Variants in CDC16 observed in about 807,000 individuals in gnomAD.
CDC16 encodes the protein cell division cycle protein 16 homolog.
Under a neutral mutation model 87.0 loss-of-function variants are expected in CDC16, and 34 were observed. The ratio of observed to expected loss-of-function variants is 0.39; its 90% CI spans 0.30 to 0.52. The LOEUF (loss-of-function observed/expected upper bound fraction) is 0.52. Ranked by LOEUF, CDC16 falls within the 20% of genes least tolerant of loss-of-function variation. CDC16 has a pLI of 0.74. For synonymous variants in CDC16, 263 were observed against 260.6 expected (o/e 1.01, Z -0.09); for missense variants, 653 against 751.9 (o/e 0.87, Z 1.54).
intron 5 of CDC16, among the ~76,000 whole-genome samples, chr13:114,239,928 T>C (rs2081460161): frequency 6.6e-6 from 1 of 152,100 alleles, no homozygotes; most frequent in African/African-American, 2.4e-5. Flanking sequence ...ATACTTCATA[T>C]CTCCATGAAA....
In CDC16 at chr13:114,247,022, T is replaced by A. The variant is rs748505690; in HGVS notation, c.971+18T>A. The A allele has an allele frequency of 6.6e-7, 1 of 1,525,602 alleles. No individual in the cohort carries two copies. Among genetic ancestry groups the A allele is most frequent in the East Asian group, 2.2e-5 (1 of 44,466 alleles). The allele number at this position is 1,525,602 out of a possible 1,614,324, so 94.5% of individuals were successfully genotyped here. A position where few individuals can be genotyped will look rare whatever the true frequency, so the allele number is the denominator to read the frequency against. The stretch of plus-strand genomic sequence containing the variant: ...TATCTCAGGTATGAATTTATTTTTT[T>A]CCTCTCTAGTTAACCTGTAGAATTG... On this transcript the variant is annotated intron_variant, in intron 11 of 17. Transcript: ENST00000356221.
rs2082485240 is a variant in CDC16 at position 114,256,145 on chromosome 13, T to G, written c.1098-933T>G. Among the ~76,000 whole-genome samples the G allele has an allele frequency of 2.0e-5, 3 of 152,330 alleles. No individual in the cohort carries two copies. The South Asian group carries it at 6.2e-4, about 32-fold the overall frequency. ...AGCACAAAGTTGTTCTTACTGAGAT[T>G]TAGCCATCTTTTCTTGAATATACAC... On this transcript the variant is annotated intron_variant, in intron 12 of 17. Transcript: ENST00000356221.
Position 114,265,219 on chromosome 13 carries a change from G to T in CDC16, c.1582G>T (p.Gly528Cys). The change falls in exon 17 of 18, where the codon GGT becomes TGT. Residue 528 changes from glycine (G) to cysteine (C), a missense_variant. Transcript: ENST00000356221. ...TGGTCATTGCATCGAAATGTACATTGGTGATTCTGAAGCTTATATTGGTAA... is the reference window on the plus strand; with the variant it reads ...TGGTCATTGCATCGAAATGTACATTTGTGATTCTGAAGCTTATATTGGTAA... ...MLGHCIEMYI[G>C]DSEAYIGADI... The T allele has an allele frequency of 6.2e-7, 1 of 1,607,318 alleles. No homozygotes were observed. Among genetic ancestry groups the T allele is most frequent in the Non-Finnish European group, 8.5e-7 (1 of 1,173,918 alleles).
At chr13:114,251,368 C>G (rs1302687450) in intron 12 of CDC16, among the ~76,000 whole-genome samples, 1 of 152,220 alleles carries the variant, frequency 6.6e-6, no homozygotes, top group Non-Finnish European at 1.5e-5. Context: ...AAAATTTACT[C>G]ACTGGCTTAT....
Position 114,235,011 on chromosome 13 carries a change from G to A in CDC16, c.-74G>A. ...CGGCTGCAGGCACGGGCACGGGCAC[G>A]GGGCGGGGTGCTTAGGGTGCAGGAG... On this transcript the variant is annotated 5_prime_UTR_variant, in exon 1 of 18. Transcript: ENST00000356221. 5.9e-6 allele frequency: 7 copies of A among 1,176,646 alleles called. No homozygotes were observed. Among genetic ancestry groups the A allele is most frequent in the South Asian group, 3.6e-5 (1 of 28,108 alleles). The allele number at this position is 1,176,646 out of a possible 1,614,324, so 72.9% of individuals were successfully genotyped here. A position where few individuals can be genotyped will look rare whatever the true frequency, so the allele number is the denominator to read the frequency against.
intron 12 of CDC16, among the ~76,000 whole-genome samples, chr13:114,254,085 C>G (rs1026121953): frequency 6.6e-6 from 1 of 151,902 alleles, no homozygotes; most frequent in Non-Finnish European, 1.5e-5. Flanking sequence ...TTTATAAAGT[C>G]TGTTTCATCT....
intron 15 of CDC16, among the ~76,000 whole-genome samples, chr13:114,262,422 A>AT (rs999614461): frequency 6.6e-6 from 1 of 151,634 alleles, no homozygotes; most frequent in African/African-American, 2.4e-5. Flanking sequence ...AGCATAAAAC[A>AT]TTTTTTTCAC....
At chr13:114,244,774 T>C (rs2081755265) in intron 8 of CDC16, 116 bp from the exon 9 acceptor site, 3 of 538,332 alleles carry the variant, frequency 5.6e-6, no homozygotes, top group Admixed American at 3.0e-5. Flanking sequence ...GAAAGTGAAG[T>C]GTTACAACCC....
intron 11 of CDC16, among the ~76,000 whole-genome samples, chr13:114,247,468 G>A (rs1228201427): frequency 1.3e-5 from 2 of 151,860 alleles, no homozygotes; most frequent in East Asian, 3.9e-4. Context: ...ATGCCTGGCT[G>A]AATAAATGTT....
intron 1 of CDC16, among the ~76,000 whole-genome samples, chr13:114,236,304 T>C (rs2081248025): frequency 6.6e-6 from 1 of 152,248 alleles, no homozygotes; most frequent in Non-Finnish European, 1.5e-5. Context: ...AAGTGTTATA[T>C]AAATCACACA....
intron 17 of CDC16, among the ~76,000 whole-genome samples, chr13:114,271,727 C>T (rs764494301): frequency 2.7e-4 from 41 of 152,120 alleles, no homozygotes; most frequent in East Asian, 9.6e-4. Flanking sequence ...GTGATCTGCC[C>T]GCCTCGGCCT....
chr13:114,242,273 A>C lies in CDC16; in HGVS notation c.534A>C (p.Ala178=). 1 of 1,604,920 alleles carries C rather than the reference A, an allele frequency of 6.2e-7. No individual in the cohort carries two copies. The highest frequency in any genetic ancestry group is 8.5e-7 in the Non-Finnish European group (1 of 1,177,678). ...TAACATCACATCACATGCTGACAGC[A>C]CAAGAAGGTTTGGAAACTCAGGCTT... ...DLLTSHHMLT[A]QEEKELLESL... The change falls in exon 6 of 18, where the codon GCA becomes GCC. Residue 178 remains alanine, a synonymous_variant. Coordinates refer to ENST00000356221, the MANE Select transcript of CDC16 (RefSeq NM_001078645.3).
intron 13 of CDC16, 129 bp downstream of exon 13, chr13:114,257,359 A>G: frequency 1.7e-6 from 1 of 603,124 alleles, no homozygotes; most frequent in Non-Finnish European, 2.7e-6. Flanking sequence ...ATTTTAGGAG[A>G]AGGAGATAGA....
intron 10 of CDC16, 119 bp from the exon 11 acceptor site, chr13:114,246,812 T>A (rs930406949): frequency 4.3e-6 from 3 of 702,624 alleles, no homozygotes; most frequent in East Asian, 2.5e-5. Flanking sequence ...ATGTCTAACT[T>A]AACTAGAATA....
chr13:114,252,139 C>G (rs1461916379), intron 12 of CDC16, among the ~76,000 whole-genome samples: 1 of 150,018 alleles, frequency 6.7e-6, no homozygotes, highest in Non-Finnish European at 1.5e-5. Context: ...CTACACTAGC[C>G]CTGTTGGATA....
At chr13:114,257,824 T>C (rs1164060941) in intron 13 of CDC16, among the ~76,000 whole-genome samples, 1 of 152,200 alleles carries the variant, frequency 6.6e-6, no homozygotes, top group Non-Finnish European at 1.5e-5. Context: ...TCTCGCTGTG[T>C]TGCCCAGGCT....
rs139243260 is a variant in CDC16, at chr13:114,272,638, A to C, written c.*195A>C. 4.0e-6 allele frequency: 2 copies of C among 505,986 alleles called. No individual in the cohort carries two copies. Among genetic ancestry groups the C allele is most frequent in the East Asian group, 6.2e-5 (2 of 32,158 alleles). 31.3% of individuals were successfully genotyped at this position (505,986 alleles called of 1,614,324 possible). A position where few individuals can be genotyped will look rare whatever the true frequency, so the allele number is the denominator to read the frequency against. On this transcript the variant is annotated 3_prime_UTR_variant, in exon 18 of 18. Transcript: ENST00000356221. ...GTGTTCTGATTCTCTGAACCTACAA[A>C]ATAGTTATACATAGTGGAATAAAGA...
intron 14 of CDC16, among the ~76,000 whole-genome samples, chr13:114,261,622 G>C (rs2082867202): frequency 6.6e-6 from 1 of 152,054 alleles, no homozygotes. Flanking sequence ...TTGAGGGAAA[G>C]CTCTGAGTTG....
chr13:114,238,458 G>T (rs4325428), intron 3 of CDC16, among the ~76,000 whole-genome samples: 8 of 127,302 alleles, frequency 6.3e-5, no homozygotes, highest in East Asian at 4.5e-4. Context: ...GCTGCTGCGA[G>T]CTCCTCGGAC....
Sources: allele counts gnomAD v4.1 joint callset (sites outside exome capture counted in the v4.1 genomes callset), GRCh38; gene constraint gnomAD v4.1.1; transcripts MANE v1.5; gene names NCBI Gene and HGNC (gene_info 2026-07-23, HGNC 2026-07-21).